AGBL1: variants seen among roughly 807,000 people sequenced by gnomAD.
AGBL1 encodes cytosolic carboxypeptidase 4.
In AGBL1, 130 loss-of-function variants were observed where a neutral mutation model predicts 118.9. That is an observed-to-expected ratio of 1.09 (90% CI 0.95 to 1.26). AGBL1 has a LOEUF of 1.26. Among genes scored for constraint, AGBL1 ranks in the 50% most tolerant of loss-of-function variants. AGBL1 has a pLI of 0.00. For missense variants in AGBL1, 1,584 were observed against 1,298.1 expected (o/e 1.22, Z -3.38); for synonymous variants, 555 against 478.9 (o/e 1.16, Z -2.08).
At chr15:86,098,993 A>G (rs1055434479) in intron 1 of AGBL1, among the ~76,000 whole-genome samples, 4 of 152,072 alleles carry the variant, frequency 2.6e-5, no homozygotes, top group Admixed American at 6.6e-5. Flanking sequence ...TCCTTCATCA[A>G]TGTTTTGTAG....
chr15:86,609,401 C>T (rs1385724314), intron 21 of AGBL1, among the ~76,000 whole-genome samples: 1 of 152,204 alleles, frequency 6.6e-6, no homozygotes, highest in African/African-American at 2.4e-5. Context: ...AGAATCACAG[C>T]TGAGGGCAGA....
chr15:86,648,471 G>A (rs2085321449), intron 21 of AGBL1, among the ~76,000 whole-genome samples: 1 of 152,216 alleles, frequency 6.6e-6, no homozygotes, highest in Admixed American at 6.5e-5. Flanking sequence ...CCCATCAACA[G>A]AGATGGGGAA....
chr15:86,341,271 C>A (rs1328686307), intron 17 of AGBL1, among the ~76,000 whole-genome samples: 1 of 152,150 alleles, frequency 6.6e-6, no homozygotes, highest in Admixed American at 6.5e-5. Flanking sequence ...GCTAGGCTGC[C>A]CTTTTCCTGA....
downstream of AGBL1, among the ~76,000 whole-genome samples, chr15:86,917,795 G>T (rs927989114): frequency 6.6e-6 from 1 of 152,020 alleles, no homozygotes; most frequent in East Asian, 1.9e-4. The surrounding 1 kb of genome is among the most constrained non-coding windows in gnomAD (Gnocchi z 4.8). Flanking sequence ...AGAGAGAAGA[G>T]AGAGGATGAG....
intron 5 of AGBL1, among the ~76,000 whole-genome samples, chr15:86,179,258 G>C (rs59715284): frequency 1.3e-5 from 2 of 152,172 alleles, no homozygotes; most frequent in Non-Finnish European, 2.9e-5. Context: ...CTAAAGCCTC[G>C]AGGTTAGCAG....
At chr15:86,818,621 A>G (rs1009696891) in intron 22 of AGBL1, among the ~76,000 whole-genome samples, 1 of 152,078 alleles carries the variant, frequency 6.6e-6, no homozygotes, top group Non-Finnish European at 1.5e-5. Context: ...CATATCACCT[A>G]GATGGATTTG....
At chr15:86,266,949 G>A (rs1344370267) in intron 12 of AGBL1, 41 bp from the exon 13 acceptor site, 1 of 1,385,492 alleles carries the variant, frequency 7.2e-7, no homozygotes, top group Non-Finnish European at 1.0e-6. Flanking sequence ...TCAAAGAGTA[G>A]TGATAACACA....
At chr15:86,588,482 G>T (rs2084286029) in intron 21 of AGBL1, among the ~76,000 whole-genome samples, 1 of 152,214 alleles carries the variant, frequency 6.6e-6, no homozygotes, top group Non-Finnish European at 1.5e-5. Context: ...CTGCAAGGGA[G>T]AAGTAGCTGC....
chr15:86,164,242 T>G (rs1443530722), intron 5 of AGBL1, among the ~76,000 whole-genome samples: 2 of 152,198 alleles, frequency 1.3e-5, no homozygotes, highest in Non-Finnish European at 2.9e-5. Flanking sequence ...CAGCTGGGGC[T>G]TAAACTTTTC....
intron 17 of AGBL1, among the ~76,000 whole-genome samples, chr15:86,357,898 G>C (rs1206950172): frequency 2.0e-5 from 3 of 152,026 alleles, no homozygotes; most frequent in Non-Finnish European, 4.4e-5. Context: ...CGGTATACCT[G>C]ACAAATAAAA....
At chr15:86,229,710 A>G (rs938821231) in intron 6 of AGBL1, among the ~76,000 whole-genome samples, 1 of 152,122 alleles carries the variant, frequency 6.6e-6, no homozygotes, top group Admixed American at 6.5e-5. Context: ...ATTAGGCATA[A>G]ATGCATTTTT....
intron 17 of AGBL1, among the ~76,000 whole-genome samples, chr15:86,385,579 T>C (rs916613128): frequency 2.0e-5 from 3 of 152,250 alleles, no homozygotes; most frequent in African/African-American, 7.2e-5. Flanking sequence ...TGGTTTCCCA[T>C]GGGGAAAGTG....
At chr15:86,230,121 G>A (rs184728065) in intron 6 of AGBL1, among the ~76,000 whole-genome samples, 1 of 152,326 alleles carries the variant, frequency 6.6e-6, no homozygotes, top group Admixed American at 6.5e-5. Flanking sequence ...TTAATGCTCT[G>A]TCTGGCTGGT....
At chr15:86,742,631 CTGTGGCTTTCCCA>C (rs2077696348) in intron 22 of AGBL1, among the ~76,000 whole-genome samples, 1 of 152,120 alleles carries the variant, frequency 6.6e-6, no homozygotes, top group African/African-American at 2.4e-5. Context: ...AGTCTCAGGG[CTGTGGCTTTCCCA>C]AGGATTTGCC....
At chr15:86,876,769 G>A (rs117331596) in intron 22 of AGBL1, among the ~76,000 whole-genome samples, 5,476 of 152,222 alleles carry the variant, frequency 0.036, 133 homozygotes, top group Non-Finnish European at 0.053. Flanking sequence ...ACAAAAACAG[G>A]CAGTGGGCCA....
intron 18 of AGBL1, among the ~76,000 whole-genome samples, chr15:86,411,022 A>G (rs1231863880): frequency 6.8e-6 from 1 of 146,906 alleles, no homozygotes; most frequent in Non-Finnish European, 1.5e-5. Context: ...AGAACTGAAT[A>G]GGTTGTACAA....
rs1287056613 is a variant in AGBL1, at chr15:86,912,516, C to A, written c.*5222C>A. ...CCATACATTGGCTTCAGTTTCCTTC[C>A]AGAAAGAGGATTCAGAGCCACCAAG... On this transcript the variant is annotated 3_prime_UTR_variant, in exon 23 of 23. Coordinates refer to ENST00000614907, the MANE Select transcript of AGBL1 (RefSeq NM_001386094.1). The A allele has an allele frequency of 6.6e-6, 1 of 152,040 alleles. No individual in the cohort carries two copies. Among genetic ancestry groups the A allele is most frequent in the Non-Finnish European group, 1.5e-5 (1 of 68,042 alleles). 9.4% of individuals were successfully genotyped at this position (152,040 alleles called of 1,614,324 possible).
chr15:86,314,649 C>T (rs1288129624), intron 17 of AGBL1, among the ~76,000 whole-genome samples: 2 of 152,114 alleles, frequency 1.3e-5, no homozygotes, highest in Non-Finnish European at 2.9e-5. Flanking sequence ...CCAAGAGGAA[C>T]CCTTCACTCA....
intron 22 of AGBL1, among the ~76,000 whole-genome samples, chr15:86,881,629 G>T (rs1285958200): frequency 6.6e-6 from 1 of 152,078 alleles, no homozygotes; most frequent in Non-Finnish European, 1.5e-5. Flanking sequence ...GGCAGAGGGG[G>T]TAGTGCTATT....
Sources: allele counts gnomAD v4.1 joint callset (sites outside exome capture counted in the v4.1 genomes callset), GRCh38; gene constraint gnomAD v4.1.1; non-coding constraint Gnocchi (gnomAD v3.1); transcripts MANE v1.5; gene names NCBI Gene and HGNC (gene_info 2026-07-23, HGNC 2026-07-21).